The following MYRIP variants were observed in gnomAD, a reference collection of about 807,000 sequenced individuals.
MYRIP encodes the protein rab effector MyRIP.
Under a neutral mutation model 98.0 loss-of-function variants are expected in MYRIP, and 49 were observed. The observed-to-expected ratio is 0.50, with a 90% confidence interval of 0.40 to 0.63. The LOEUF (loss-of-function observed/expected upper bound fraction) is 0.63, where lower values mean the gene tolerates loss of function less well. Among genes scored for constraint, MYRIP ranks in the 30% least tolerant of loss-of-function variants. The probability of loss-of-function intolerance (pLI) is 0.00; values close to 1 mark genes in which losing one functional copy is unlikely to be tolerated. For missense variants in MYRIP, 1,004 were observed against 1,058.2 expected (o/e 0.95, Z 0.71); for synonymous variants, 404 against 409.5 (o/e 0.99, Z 0.16).
chr3:40,007,130 T>C (rs928407688), intron 2 of MYRIP, among the ~76,000 whole-genome samples: 1 of 152,190 alleles, frequency 6.6e-6, no homozygotes, highest in Non-Finnish European at 1.5e-5. Context: ...GTAACTTATA[T>C]TGGTTTAGTC....
chr3:39,942,987 G>A (rs754697064), intron 2 of MYRIP, among the ~76,000 whole-genome samples: 31 of 152,236 alleles, frequency 2.0e-4, no homozygotes, highest in Middle Eastern at 6.8e-3. Context: ...TGAGATAGTT[G>A]TTTTCTCTGG....
intron 2 of MYRIP, among the ~76,000 whole-genome samples, chr3:40,003,040 AG>A (rs1946555598): frequency 5.9e-5 from 2 of 33,744 alleles, no homozygotes; most frequent in Admixed American, 5.4e-4. Flanking sequence ...ATATATCTAT[AG>A]ATATAGAGAC....
chr3:40,198,827 T>A lies in MYRIP; in HGVS notation c.1665+8364T>A, dbSNP rs138975477. Among the ~76,000 whole-genome samples the A allele has an allele frequency of 2.2e-3, 333 of 152,360 alleles. 3 individuals are homozygous for A. Among genetic ancestry groups the A allele is most frequent in the African/African-American group, 7.5e-3 (313 of 41,582 alleles). ...ATAGTGAGAAACTACCAGTTCTTTA[T>A]AACTAACCATCTGTAAATATTCATT... On this transcript the variant is annotated intron_variant, in intron 10 of 16. Coordinates refer to ENST00000302541, the MANE Select transcript of MYRIP (RefSeq NM_015460.4).
At chr3:40,253,313 C>T (rs987216534) in intron 16 of MYRIP, among the ~76,000 whole-genome samples, 4 of 152,092 alleles carry the variant, frequency 2.6e-5, no homozygotes, top group Admixed American at 1.3e-4. Context: ...GTATCCTGAC[C>T]GTGCAAAGGT....
intron 11 of MYRIP, among the ~76,000 whole-genome samples, chr3:40,227,799 A>G (rs1454841522): frequency 1.3e-5 from 2 of 152,208 alleles, no homozygotes; most frequent in Non-Finnish European, 2.9e-5. Context: ...GGAGAGGCGC[A>G]CAACTCTGGA....
At chr3:39,877,821 G>C (rs1163100625) in intron 1 of MYRIP, among the ~76,000 whole-genome samples, 1 of 152,178 alleles carries the variant, frequency 6.6e-6, no homozygotes, top group Non-Finnish European at 1.5e-5. Flanking sequence ...GAGGCAGTCT[G>C]CCCATTCTCA....
intron 3 of MYRIP, among the ~76,000 whole-genome samples, chr3:40,075,419 A>C (rs550631188): frequency 6.9e-4 from 105 of 152,364 alleles, no homozygotes; most frequent in Middle Eastern, 3.4e-3. Flanking sequence ...AAGTAGATCC[A>C]CCTGTCCTGA....
chr3:39,899,686 C>T (rs1374168368), intron 1 of MYRIP, among the ~76,000 whole-genome samples: 1 of 152,038 alleles, frequency 6.6e-6, no homozygotes, highest in African/African-American at 2.4e-5. Flanking sequence ...AATTTATACC[C>T]CCAAATGAAA....
At chr3:40,083,963 CCGTCTCTA>C (rs1367209262) in intron 3 of MYRIP, among the ~76,000 whole-genome samples, 4 of 151,428 alleles carry the variant, frequency 2.6e-5, no homozygotes, top group Non-Finnish European at 4.4e-5. Context: ...CAGTGAAACC[CCGTCTCTA>C]CGAAAAATAC....
intron 3 of MYRIP, among the ~76,000 whole-genome samples, chr3:40,120,704 C>A (rs1238827347): frequency 1.3e-5 from 2 of 152,158 alleles, no homozygotes; most frequent in Non-Finnish European, 2.9e-5. Flanking sequence ...GGGGAAGACA[C>A]AAGATTGTCC....
intron 2 of MYRIP, among the ~76,000 whole-genome samples, chr3:39,985,669 C>G (rs13091459): frequency 6.7e-6 from 1 of 148,548 alleles, no homozygotes; most frequent in Non-Finnish European, 1.5e-5. Flanking sequence ...CTACAACTAT[C>G]TGATCTTTGA....
At chr3:40,122,329 G>A (rs1219060190) in intron 3 of MYRIP, among the ~76,000 whole-genome samples, 1 of 151,630 alleles carries the variant, frequency 6.6e-6, no homozygotes, top group Non-Finnish European at 1.5e-5. Context: ...GGAGATTATA[G>A]AGGTCCTAAT....
intron 3 of MYRIP, among the ~76,000 whole-genome samples, chr3:40,108,638 G>A (rs1019537291): frequency 6.6e-6 from 1 of 152,190 alleles, no homozygotes; most frequent in African/African-American, 2.4e-5. Context: ...ACCTAAAACT[G>A]TGGGCTGAAA....
chr3:39,814,526 C>A (rs561065276), intron 1 of MYRIP, among the ~76,000 whole-genome samples: 11 of 152,084 alleles, frequency 7.2e-5, no homozygotes, highest in African/African-American at 2.7e-4. Flanking sequence ...TATTGAAAAC[C>A]ATTTACCACA....
chr3:40,059,107 T>G (rs1389666797), intron 3 of MYRIP, among the ~76,000 whole-genome samples: 1 of 152,212 alleles, frequency 6.6e-6, no homozygotes, highest in Non-Finnish European at 1.5e-5. Context: ...GCAAAGGACA[T>G]GAACTCATCC....
intron 2 of MYRIP, among the ~76,000 whole-genome samples, chr3:40,019,084 G>A (rs1946933594): frequency 6.6e-6 from 1 of 152,152 alleles, no homozygotes; most frequent in African/African-American, 2.4e-5. Context: ...GATCCTGCTA[G>A]CAACCTTCTA....
At chr3:39,883,378 A>G (rs552301720) in intron 1 of MYRIP, among the ~76,000 whole-genome samples, 3 of 152,202 alleles carry the variant, frequency 2.0e-5, no homozygotes, top group Non-Finnish European at 4.4e-5. Context: ...TCCTCTCTAG[A>G]GGAAAATAAC....
chr3:39,962,245 A>G (rs1452249920), intron 2 of MYRIP, among the ~76,000 whole-genome samples: 1 of 152,128 alleles, frequency 6.6e-6, no homozygotes, highest in African/African-American at 2.4e-5. Context: ...AAATTTAGGC[A>G]TCACCTGACA....
At chr3:39,812,272 GTTAT>G (rs1204799365) in intron 1 of MYRIP, among the ~76,000 whole-genome samples, 4 of 152,086 alleles carry the variant, frequency 2.6e-5, no homozygotes, top group Non-Finnish European at 5.9e-5. Flanking sequence ...TATTACTATT[GTTAT>G]TTATTTTATC....
Sources: allele counts gnomAD v4.1 joint callset (sites outside exome capture counted in the v4.1 genomes callset), GRCh38; gene constraint gnomAD v4.1.1; transcripts MANE v1.5; gene names NCBI Gene and HGNC (gene_info 2026-07-23, HGNC 2026-07-21).